KCNIP1: variants seen among roughly 807,000 people sequenced by gnomAD.
KCNIP1 encodes the protein A-type potassium channel modulatory protein KCNIP1.
A neutral mutation model predicts 33.0 loss-of-function variants in KCNIP1; 18 were observed. The ratio of observed to expected loss-of-function variants is 0.55; its 90% CI spans 0.38 to 0.81. The LOEUF (loss-of-function observed/expected upper bound fraction) is 0.81. Ranked by LOEUF, KCNIP1 falls within the 30% of genes least tolerant of loss-of-function variation. KCNIP1 has a pLI of 0.00. For synonymous variants in KCNIP1, 93 were observed against 98.3 expected (o/e 0.95, Z 0.32); for missense variants, 238 against 271.6 (o/e 0.88, Z 0.87).
intron 1 of KCNIP1, among the ~76,000 whole-genome samples, chr5:170,442,672 A>G (rs1421303236): frequency 6.6e-6 from 1 of 152,112 alleles, no homozygotes; most frequent in Admixed American, 6.5e-5. Context: ...ACCCCACTTG[A>G]GTCATGAGAT....
At chr5:170,672,473 G>T (rs1761962676) in intron 1 of KCNIP1, among the ~76,000 whole-genome samples, 1 of 152,232 alleles carries the variant, frequency 6.6e-6, no homozygotes, top group Non-Finnish European at 1.5e-5. Context: ...GCTTCCAAAG[G>T]ATGTTCAGTG....
intron 1 of KCNIP1, among the ~76,000 whole-genome samples, chr5:170,473,951 AAAT>A (rs1395970351): frequency 1.3e-5 from 2 of 152,268 alleles, no homozygotes; most frequent in African/African-American, 4.8e-5. Context: ...GGAATTTAGA[AAAT>A]AATTAGACTG....
At chr5:170,700,980 G>T (rs1763078022) in intron 1 of KCNIP1, among the ~76,000 whole-genome samples, 3 of 152,304 alleles carry the variant, frequency 2.0e-5, no homozygotes, top group South Asian at 2.1e-4. Flanking sequence ...AACACTGGTT[G>T]CAGTAGAACC....
At chr5:170,553,626 A>G (rs190500695) in intron 1 of KCNIP1, among the ~76,000 whole-genome samples, 278 of 152,344 alleles carry the variant, frequency 1.8e-3, no homozygotes, top group Non-Finnish European at 2.9e-3. Context: ...TCTGTGGCAC[A>G]ATTGTCATCC....
At chr5:170,675,965 G>A (rs1251618853) in intron 1 of KCNIP1, among the ~76,000 whole-genome samples, 1 of 104,676 alleles carries the variant, frequency 9.6e-6, no homozygotes, top group Non-Finnish European at 1.8e-5. Flanking sequence ...TTCCTAATAG[G>A]TAAGACTTTT....
chr5:170,470,747 G>A (rs1266152687), intron 1 of KCNIP1, among the ~76,000 whole-genome samples: 1 of 152,226 alleles, frequency 6.6e-6, no homozygotes, highest in Non-Finnish European at 1.5e-5. Context: ...AGATTTTTCA[G>A]TGTTGTGATG....
chr5:170,730,081 T>A (rs942286907), intron 5 of KCNIP1, among the ~76,000 whole-genome samples: 5 of 152,118 alleles, frequency 3.3e-5, no homozygotes, highest in Admixed American at 1.3e-4. Flanking sequence ...ATATATTAAA[T>A]TTTTAAATAT....
intron 1 of KCNIP1, among the ~76,000 whole-genome samples, chr5:170,593,495 C>T (rs1351385725): frequency 6.6e-6 from 1 of 152,202 alleles, no homozygotes; most frequent in Non-Finnish European, 1.5e-5. Flanking sequence ...ATCTCAGTGA[C>T]AACAAACTCA....
chr5:170,583,270 G>A (rs562945554), intron 1 of KCNIP1, among the ~76,000 whole-genome samples: 4 of 152,202 alleles, frequency 2.6e-5, no homozygotes, highest in East Asian at 1.9e-4. Flanking sequence ...TAAGTTTATC[G>A]CTTCCTCTCT....
chr5:170,500,489 T>C (rs1757389849), upstream of KCNIP1, among the ~76,000 whole-genome samples: 1 of 152,144 alleles, frequency 6.6e-6, no homozygotes, highest in Non-Finnish European at 1.5e-5. Context: ...ACAGGACAAA[T>C]GGCTCCTGCA....
intron 4 of KCNIP1, among the ~76,000 whole-genome samples, chr5:170,722,323 A>G (rs966969987): frequency 2.0e-5 from 3 of 152,170 alleles, no homozygotes; most frequent in African/African-American, 4.8e-5. Context: ...TAAATGATAA[A>G]GGATGGATTT....
intron 1 of KCNIP1, among the ~76,000 whole-genome samples, chr5:170,448,317 C>G (rs1756166392): frequency 6.6e-6 from 1 of 152,236 alleles, no homozygotes; most frequent in South Asian, 2.1e-4. Context: ...ATAGAGTTGC[C>G]TCATTTCACT....
intron 1 of KCNIP1, among the ~76,000 whole-genome samples, chr5:170,691,818 A>G (rs1356298873): frequency 6.6e-6 from 1 of 152,122 alleles, no homozygotes; most frequent in Non-Finnish European, 1.5e-5. Flanking sequence ...TCCAGGCACC[A>G]GTATGCAGGG....
intron 1 of KCNIP1, among the ~76,000 whole-genome samples, chr5:170,550,775 T>A (rs1361980721): frequency 6.6e-6 from 1 of 152,190 alleles, no homozygotes; most frequent in East Asian, 1.9e-4. Context: ...ATAATGGTGA[T>A]GACAAGGTTG....
At chr5:170,410,144 T>C (rs1441418439) in intron 1 of KCNIP1, among the ~76,000 whole-genome samples, 1 of 152,248 alleles carries the variant, frequency 6.6e-6, no homozygotes, top group Non-Finnish European at 1.5e-5. Context: ...GCCTGCCCTG[T>C]GCAGGGCCTC....
At chr5:170,657,764 G>C (rs561365757) in intron 1 of KCNIP1, among the ~76,000 whole-genome samples, 1 of 152,244 alleles carries the variant, frequency 6.6e-6, no homozygotes, top group Admixed American at 6.5e-5. Context: ...GGTGCAATCA[G>C]ATGACCTTCC....
chr5:170,614,889 T>C (rs891112190), intron 1 of KCNIP1, among the ~76,000 whole-genome samples: 1 of 152,206 alleles, frequency 6.6e-6, no homozygotes, highest in Non-Finnish European at 1.5e-5. Flanking sequence ...CAGTGCGTGC[T>C]GTAAGGTAGG....
intron 1 of KCNIP1, chr5:170,375,614 T>C (rs314152): frequency 0.041 from 4,102 of 99,952 alleles, 187 homozygotes; most frequent in African/African-American, 0.14. Flanking sequence ...GCTGGCTCTG[T>C]CCCTCAGCCC....
chr5:170,467,494 A>G (rs1406328294), intron 1 of KCNIP1, among the ~76,000 whole-genome samples: 3 of 152,138 alleles, frequency 2.0e-5, no homozygotes, highest in East Asian at 1.9e-4. Flanking sequence ...GGAAAGAAGG[A>G]GAGGCTGGTG....
Sources: gnomAD v4.1 joint callset for allele counts (sites outside exome capture counted in the v4.1 genomes callset) on GRCh38, gnomAD v4.1.1 for gene constraint, MANE v1.5 for transcripts, NCBI Gene and HGNC (gene_info 2026-07-23, HGNC 2026-07-21) for gene names.